OGFOD2: variants seen among roughly 807,000 people sequenced by gnomAD.
OGFOD2 encodes the protein 2-oxoglutarate and iron dependent oxygenase domain containing 2, also known as 2-oxoglutarate and iron-dependent oxygenase domain-containing protein 2.
In OGFOD2, 34 loss-of-function variants were observed where a neutral mutation model predicts 31.1. The ratio of observed to expected loss-of-function variants is 1.09; its 90% confidence interval spans 0.83 to 1.45. OGFOD2 has a LOEUF of 1.45. Among genes scored for constraint, OGFOD2 ranks in the 40% most tolerant of loss-of-function variants. The pLI is 0.00. For synonymous variants in OGFOD2, 240 were observed against 192.3 expected (o/e 1.25, Z -2.05); for missense variants, 537 against 433.9 (o/e 1.24, Z -2.11).
At chr12:122,979,056 C>G in intron 6 of OGFOD2, 27 bp from the exon 7 acceptor site, 1 of 1,602,658 alleles carries the variant, frequency 6.2e-7, no homozygotes, top group Non-Finnish European at 8.5e-7. Context: ...GCTGTGAGTG[C>G]CCAGGCCTGA....
exon 7 of OGFOD2, chr12:122,979,320 A>G (rs763553695): frequency 6.2e-6 from 10 of 1,611,502 alleles, no homozygotes; most frequent in Admixed American, 5.0e-5. Context: ...GGAGCCCGCC[A>G]CGGTGGATGT....
exon 6 of OGFOD2, chr12:122,978,859 G>A (rs755230867): frequency 1.4e-5 from 23 of 1,611,012 alleles, no homozygotes; most frequent in African/African-American, 6.7e-5. Flanking sequence ...GGCGGGGGCC[G>A]GCTCGACAGC....
At position 122,979,452 on chromosome 12, in the gene OGFOD2, C is replaced by G. The variant is rs61546241; in HGVS notation, c.*106C>G. The G allele has an allele frequency of 9.1e-3, 12,387 of 1,354,606 alleles. 796 individuals carry two copies. In the African/African-American group the frequency reaches 0.15, roughly 16 times the overall value. The allele number at this position is 1,354,606 out of a possible 1,614,324, so 83.9% of individuals were successfully genotyped here. ...CAGCCTACTGCACTTCTTGGCTCAACGGTGTGCCAGCTTCTGGGTCATTCT... is the reference window on the plus strand; with the variant it reads ...CAGCCTACTGCACTTCTTGGCTCAAGGGTGTGCCAGCTTCTGGGTCATTCT... On this transcript the variant is annotated 3_prime_UTR_variant, in exon 7 of 7. Transcript: ENST00000228922.
chr12:122,978,631 G>C, intron 5 of OGFOD2, 62 bp downstream of exon 5: 6 of 1,597,696 alleles, frequency 3.8e-6, no homozygotes, highest in Middle Eastern at 3.4e-4. Flanking sequence ...CAGTGTCAGA[G>C]GTTCTGCAGA....
chr12:122,978,844 A>C (rs2135958828), exon 6 of OGFOD2: 1 of 1,612,752 alleles, frequency 6.2e-7, no homozygotes, highest in East Asian at 2.2e-5. Context: ...CTGTACCCTG[A>C]CTGTGGCGGG....
chr12:122,979,134 G>T (rs774705243), exon 7 of OGFOD2: 1 of 1,606,442 alleles, frequency 6.2e-7, no homozygotes, highest in Non-Finnish European at 8.5e-7. Flanking sequence ...GGTGGGCCAG[G>T]GTGTCCTCCA....
In OGFOD2 at chr12:122,975,471, G is replaced by T. The variant is rs1260836869; in HGVS notation, c.132+88G>T. On this transcript the variant is annotated intron_variant, in intron 1 of 6. Coordinates refer to ENST00000228922, the Ensembl canonical transcript of OGFOD2. ...TCGTCCCCAGGGTCGTTTGCTTTGC[G>T]CACGCCGCGCACCGTATCTTCAAAT... 9.5e-5 allele frequency: 57 copies of T among 600,930 alleles called. No homozygotes were observed. In the East Asian group the frequency reaches 1.5e-3, roughly 16 times the overall value. 37.2% of individuals were successfully genotyped at this position (600,930 alleles called of 1,614,324 possible).
At chr12:122,978,390 C>T (rs547825167) in intron 4 of OGFOD2, 52 bp from the exon 5 acceptor site, 34 of 1,603,908 alleles carry the variant, frequency 2.1e-5, no homozygotes, top group Non-Finnish European at 2.7e-5. Context: ...AAGCCCAGGC[C>T]TGGCCGGCCC....
rs1167719269 is a variant in OGFOD2, at chr12:122,979,183, C to G, written c.890C>G (p.Thr297Ser). 1.9e-6 allele frequency: 3 copies of G among 1,611,766 alleles called. No individual in the cohort carries two copies. In the African/African-American group the frequency reaches 4.0e-5, roughly 22 times the overall value. The change falls in exon 7 of 7, where the codon ACT becomes AGT. Residue 297 changes from threonine to serine, a missense_variant. Transcript: ENST00000228922. ...CTGCATGGAGCCCGGCCCTTGGGCA[C>G]TGGTGAGCGTTGGAACCTTGTCGTC...
chr12:122,976,579 T>C, intron 2 of OGFOD2, 75 bp from the exon 3 acceptor site: 1 of 1,313,164 alleles, frequency 7.6e-7, no homozygotes, highest in Non-Finnish European at 1.1e-6. Context: ...CGTTCTGGGC[T>C]TCAGTTTCTT....
chr12:122,977,257 A>C lies in OGFOD2; in HGVS notation c.403+287A>C, dbSNP rs558206441. 4.6e-6 allele frequency: 2 copies of C among 438,742 alleles called. 1 individual carries two copies. The highest frequency in any genetic ancestry group is 3.9e-5 in the South Asian group (2 of 51,390). 27.2% of individuals were successfully genotyped at this position (438,742 alleles called of 1,614,324 possible). On this transcript the variant is annotated intron_variant, in intron 4 of 6. Transcript: ENST00000228922. ...CATGTGTGGGACAGCTGGCACACTC[A>C]AACAGGGCTGATCCAAGATCTTAAA... is the stretch of plus-strand genomic sequence containing the variant.
chr12:122,975,699 C>G, intron 1 of OGFOD2, 112 bp from the exon 2 acceptor site: 1 of 663,644 alleles, frequency 1.5e-6, no homozygotes, highest in Admixed American at 2.1e-5. Context: ...TCTCCATGAT[C>G]CTTTGAGGTC....
exon 7 of OGFOD2, chr12:122,979,603 C>T (rs1171385592): frequency 2.3e-5 from 12 of 521,612 alleles, no homozygotes; most frequent in Admixed American, 3.2e-5. Flanking sequence ...CTTCAGAGGA[C>T]GTCCAGCCTC....
chr12:122,978,086 AAGG>A (rs1368799047), intron 4 of OGFOD2: 2 of 191,636 alleles, frequency 1.0e-5, no homozygotes, highest in African/African-American at 4.6e-5. Flanking sequence ...CATCAGATGA[AAGG>A]AGGTGCAGAG....
At chr12:122,975,451 C>G in intron 1 of OGFOD2, 68 bp downstream of exon 1, 1 of 618,380 alleles carries the variant, frequency 1.6e-6, no homozygotes, top group South Asian at 1.7e-5. Flanking sequence ...GAAGTTCGTC[C>G]CCAGGGTCGT....
intron 4 of OGFOD2, 22 bp downstream of exon 4, chr12:122,976,992 C>T (rs764417950): frequency 6.2e-7 from 1 of 1,600,314 alleles, no homozygotes. Flanking sequence ...GCCCTGAGAC[C>T]TGGCAGGACC....
chr12:122,978,579 G>A lies in OGFOD2; in HGVS notation c.531+10G>A, dbSNP rs2037502270. ...CATGAACAACTACGGGGTGGGTGAG[G>A]CCTGGCCGGTGGCAGAGGAGGGGGT... On this transcript the variant is annotated intron_variant, in intron 5 of 6. Transcript: ENST00000228922. 1.2e-6 allele frequency: 2 copies of A among 1,609,158 alleles called. No homozygotes were observed. Among genetic ancestry groups the A allele is most frequent in the African/African-American group, 2.7e-5 (2 of 75,000 alleles).
rs367829575 is a variant in OGFOD2 at position 122,978,461 on chromosome 12, G to A, written c.423G>A (p.Arg141=). 4.3e-5 allele frequency: 70 copies of A among 1,613,588 alleles called. No individual in the cohort carries two copies. The African/African-American group carries it at 8.7e-4, about 20-fold the overall frequency. Residue 141 remains arginine (R), a synonymous_variant, in exon 5 of 7, where the codon CGG becomes CGA. Coordinates refer to ENST00000228922, the Ensembl canonical transcript of OGFOD2. ...CCACAGAGGAGAAGCGCATCTACCG[G>A]GTGCCTGTTTTCACAGCGCCCTTCT...
exon 6 of OGFOD2, chr12:122,978,846 T>C: frequency 1.9e-6 from 3 of 1,612,694 alleles, no homozygotes; most frequent in Non-Finnish European, 2.5e-6. Context: ...GTACCCTGAC[T>C]GTGGCGGGGG....
Sources: allele counts gnomAD v4.1 joint callset, GRCh38; gene constraint gnomAD v4.1.1; transcripts MANE v1.5; gene names NCBI Gene and HGNC (gene_info 2026-07-23, HGNC 2026-07-21).